TNR: variants seen among roughly 807,000 people sequenced by gnomAD.
TNR encodes tenascin-R.
A neutral mutation model predicts 150.4 loss-of-function variants in TNR; 45 were observed. That is an observed-to-expected ratio of 0.30 (90% CI 0.24 to 0.38). The LOEUF (loss-of-function observed/expected upper bound fraction) is 0.38, where lower values mean the gene tolerates loss of function less well. TNR is among the 10% of genes least tolerant of loss of function. The pLI is 1.00. For missense variants in TNR, 1,544 were observed against 1,759.1 expected, an observed-to-expected ratio of 0.88 and a Z score of 2.19; for synonymous variants, 687 against 678.4, an observed-to-expected ratio of 1.01 and a Z score of -0.20.
At chr1:175,716,325 C>T (rs772839586) in intron 1 of TNR, among the ~76,000 whole-genome samples, 1 of 152,180 alleles carries the variant, frequency 6.6e-6, no homozygotes, top group Non-Finnish European at 1.5e-5. Context: ...ATAATCATTG[C>T]CTTTAAACTC....
intron 2 of TNR, among the ~76,000 whole-genome samples, chr1:175,520,559 T>C (rs1659597236): frequency 6.6e-6 from 1 of 152,196 alleles, no homozygotes; most frequent in Admixed American, 6.5e-5. Context: ...AGGTGGCACT[T>C]GAACATGTCC....
At chr1:175,611,211 C>T (rs369729325) in intron 1 of TNR, among the ~76,000 whole-genome samples, 2 of 151,824 alleles carry the variant, frequency 1.3e-5, no homozygotes, top group South Asian at 4.1e-4. Flanking sequence ...GGCTTGTGTT[C>T]ATCTGGGAAT....
At chr1:175,688,445 C>T (rs1666264519) in intron 1 of TNR, among the ~76,000 whole-genome samples, 1 of 152,204 alleles carries the variant, frequency 6.6e-6, no homozygotes, top group South Asian at 2.1e-4. Flanking sequence ...AAAGCAGATG[C>T]TAAATGAACA....
chr1:175,353,851 A>ATTTAT lies in TNR; in HGVS notation c.3382+539_3382+540insATAAA, dbSNP rs111708916. ...AACCTGATTTTTTAAATTTTTATTT[A>ATTTAT]TTTTTTTTTTTTGAGACGGAGTCTC... On this transcript the variant is annotated intron_variant, in intron 18 of 22. Coordinates refer to ENST00000367674, the MANE Select transcript of TNR (RefSeq NM_003285.3). Among the ~76,000 whole-genome samples, 1,134 of 146,202 alleles carry ATTTAT rather than the reference A, an allele frequency of 7.8e-3. 17 individuals carry two copies. The highest frequency in any genetic ancestry group is 0.028 in the African/African-American group (1,086 of 39,302).
intron 1 of TNR, among the ~76,000 whole-genome samples, chr1:175,588,799 T>C (rs1204230901): frequency 2.0e-5 from 3 of 152,176 alleles, no homozygotes; most frequent in African/African-American, 2.4e-5. Context: ...TTGGTCAGGG[T>C]AACTTAGTTC....
chr1:175,642,720 C>A (rs1208342217), intron 1 of TNR, among the ~76,000 whole-genome samples: 1 of 152,028 alleles, frequency 6.6e-6, no homozygotes, highest in Non-Finnish European at 1.5e-5. Context: ...TCACTTGAGG[C>A]CAGGGGTTTG....
intron 1 of TNR, among the ~76,000 whole-genome samples, chr1:175,547,605 GAAAGAAAC>G (rs777097355): frequency 4.8e-3 from 104 of 21,666 alleles, no homozygotes; most frequent in South Asian, 0.011. Context: ...AAGAAAGAAA[GAAAGAAAC>G]AAAGAAACAA....
chr1:175,473,750 G>T (rs189265610), intron 2 of TNR, among the ~76,000 whole-genome samples: 49 of 152,316 alleles, frequency 3.2e-4, no homozygotes, highest in African/African-American at 1.0e-3. Context: ...CTTTTATGTG[G>T]GAGCAGCTAA....
At chr1:175,356,192 C>T in intron 16 of TNR, 127 bp downstream of exon 16, 2 of 1,337,650 alleles carry the variant, frequency 1.5e-6, no homozygotes, top group Non-Finnish European at 2.1e-6. Flanking sequence ...GTAGTCAGTC[C>T]AAATAAGAAC....
At chr1:175,346,127 A>G (rs1373702848) in intron 18 of TNR, among the ~76,000 whole-genome samples, 1 of 152,246 alleles carries the variant, frequency 6.6e-6, no homozygotes, top group East Asian at 1.9e-4. Flanking sequence ...CCTTGGGCAT[A>G]TGAAATTACG....
chr1:175,720,002 G>A (rs1358531726), intron 1 of TNR, among the ~76,000 whole-genome samples: 1 of 152,176 alleles, frequency 6.6e-6, no homozygotes, highest in Non-Finnish European at 1.5e-5. Flanking sequence ...TGAGCAACAC[G>A]TTTCTGCCCA....
rs141030490 is a variant in TNR at position 175,562,397 on chromosome 1, G to A, written c.-164-34028C>T. ...TGATTCCTAAGTGCTAAACAGATTT[G>A]TTCTGGACTTGGAGTCTGAGCCTAA... On this transcript the variant is annotated intron_variant, in intron 1 of 22. Coordinates refer to ENST00000367674, the MANE Select transcript of TNR (RefSeq NM_003285.3). Among the ~76,000 whole-genome samples, 552 of 152,316 alleles carry A rather than the reference G, an allele frequency of 3.6e-3. 5 individuals carry two copies. Among genetic ancestry groups the A allele is most frequent in the African/African-American group, 0.013 (528 of 41,564 alleles).
chr1:175,564,528 G>A (rs748371181), intron 1 of TNR, among the ~76,000 whole-genome samples: 1 of 152,138 alleles, frequency 6.6e-6, no homozygotes, highest in Non-Finnish European at 1.5e-5. Context: ...AAATAATGTT[G>A]TATTGGTTGC....
intron 1 of TNR, among the ~76,000 whole-genome samples, chr1:175,591,322 G>C (rs758394368): frequency 6.6e-6 from 1 of 152,154 alleles, no homozygotes; most frequent in Non-Finnish European, 1.5e-5. Context: ...ACAGCAAAAG[G>C]TATAAATAAC....
chr1:175,421,165 G>T (rs969426466), intron 2 of TNR, among the ~76,000 whole-genome samples: 2 of 152,154 alleles, frequency 1.3e-5, no homozygotes, highest in Non-Finnish European at 2.9e-5. Context: ...GAGAGTGAGT[G>T]AAGTCAAAGC....
At chr1:175,662,668 C>T (rs1020016335) in intron 1 of TNR, among the ~76,000 whole-genome samples, 2 of 152,176 alleles carry the variant, frequency 1.3e-5, no homozygotes, top group Admixed American at 6.5e-5. Context: ...AGCTGGAGGG[C>T]GTCTGTAACC....
intron 17 of TNR, 50 bp downstream of exon 17, chr1:175,355,453 A>G (rs1280374407): frequency 1.6e-5 from 26 of 1,599,094 alleles, no homozygotes; most frequent in Non-Finnish European, 2.1e-5. Context: ...CAGTTTCCAC[A>G]TGGCCTCACT....
intron 2 of TNR, among the ~76,000 whole-genome samples, chr1:175,462,183 T>A (rs1250701600): frequency 6.6e-6 from 1 of 152,220 alleles, no homozygotes; most frequent in East Asian, 1.9e-4. Flanking sequence ...CAGTAATTCA[T>A]CTAAATTAGG....
chr1:175,632,403 G>A (rs1558046281), intron 1 of TNR, among the ~76,000 whole-genome samples: 1 of 152,186 alleles, frequency 6.6e-6, no homozygotes, highest in Non-Finnish European at 1.5e-5. Context: ...CATGATCATT[G>A]AGGTCACCCT....
Sources: allele counts gnomAD v4.1 joint callset (sites outside exome capture counted in the v4.1 genomes callset), GRCh38; gene constraint gnomAD v4.1.1; transcripts MANE v1.5; gene names NCBI Gene and HGNC (gene_info 2026-07-23, HGNC 2026-07-21).